The following CDH13 variants were observed in gnomAD, a reference collection of about 807,000 sequenced individuals.
CDH13 encodes cadherin 13.
CDH13 carries 24 observed loss-of-function variants against 63.8 expected under a neutral mutation model. The ratio of observed to expected loss-of-function variants is 0.38; its 90% confidence interval spans 0.27 to 0.53. The LOEUF is 0.53. Among genes scored for constraint, CDH13 ranks in the 20% least tolerant of loss-of-function variants. The pLI is 0.85. For synonymous variants in CDH13, 503 were observed against 355.3 expected (o/e 1.42, Z -4.67); for missense variants, 1,049 against 903.1 (o/e 1.16, Z -2.07).
At chr16:83,760,134 TAATC>T (rs1298433547) in intron 11 of CDH13, among the ~76,000 whole-genome samples, 2 of 152,082 alleles carry the variant, frequency 1.3e-5, no homozygotes, top group East Asian at 3.9e-4. Flanking sequence ...AAACACAAAT[TAATC>T]AAGGAAATAC....
Position 83,425,101 on chromosome 16 carries a change from A to G in CDH13, c.782-61376A>G, listed in dbSNP as rs1271197725. Among the ~76,000 whole-genome samples the G allele has an allele frequency of 2.0e-5, 3 of 152,228 alleles. No individual in the cohort carries two copies. In the East Asian group the frequency reaches 5.8e-4, roughly 29 times the overall value. On this transcript the variant is annotated intron_variant, in intron 6 of 13. Coordinates refer to ENST00000567109, the MANE Select transcript of CDH13 (RefSeq NM_001257.5). The stretch of plus-strand genomic sequence containing the variant: ...CAACCTCGGTCAAGAAAGAGCTGTG[A>G]TCCCACCGTTTGTCCATCGAGTTCT...
intron 1 of CDH13, among the ~76,000 whole-genome samples, chr16:82,714,463 C>T (rs1277667656): frequency 6.6e-6 from 1 of 151,970 alleles, no homozygotes; most frequent in Non-Finnish European, 1.5e-5. Flanking sequence ...CCTGTAATCT[C>T]AGCACTTTGA....
chr16:83,590,231 A>C (rs1233067000), intron 7 of CDH13, among the ~76,000 whole-genome samples: 2 of 152,092 alleles, frequency 1.3e-5, no homozygotes, highest in African/African-American at 4.8e-5. Flanking sequence ...AGGGGCATAG[A>C]AGAAGGCAGG....
chr16:82,637,427 C>CTTTT (rs1567577161), intron 1 of CDH13, among the ~76,000 whole-genome samples: 4 of 54,754 alleles, frequency 7.3e-5, no homozygotes, highest in Admixed American at 3.0e-4. Context: ...AGTTACTGTG[C>CTTTT]CTTTTTTTTT....
At chr16:83,347,592 A>G (rs1453279304) in intron 6 of CDH13, among the ~76,000 whole-genome samples, 2 of 152,120 alleles carry the variant, frequency 1.3e-5, no homozygotes, top group Non-Finnish European at 2.9e-5. Flanking sequence ...TTCATCCATG[A>G]TCCCACTTCC....
intron 1 of CDH13, among the ~76,000 whole-genome samples, chr16:82,806,849 A>G (rs1400027245): frequency 2.0e-5 from 3 of 152,204 alleles, no homozygotes; most frequent in Non-Finnish European, 2.9e-5. Context: ...GAAGGACAAA[A>G]CATAACTGAG....
intron 7 of CDH13, among the ~76,000 whole-genome samples, chr16:83,493,227 G>C (rs2074059429): frequency 6.6e-6 from 1 of 152,240 alleles, no homozygotes; most frequent in African/African-American, 2.4e-5. Context: ...GATTGACAAT[G>C]AGACTGAAGA....
At chr16:82,924,956 TC>T (rs2042259696) in intron 2 of CDH13, among the ~76,000 whole-genome samples, 1 of 152,218 alleles carries the variant, frequency 6.6e-6, no homozygotes, top group South Asian at 2.1e-4. Flanking sequence ...GTTTATTTTT[TC>T]CTTAAAAACT....
chr16:83,557,594 A>G (rs931517384), intron 7 of CDH13, among the ~76,000 whole-genome samples: 4 of 152,194 alleles, frequency 2.6e-5, no homozygotes, highest in Admixed American at 6.5e-5. Context: ...AAAGTCGGCC[A>G]TCAGGCACTC....
At chr16:83,456,518 G>A (rs1488601937) in intron 6 of CDH13, among the ~76,000 whole-genome samples, 1 of 152,178 alleles carries the variant, frequency 6.6e-6, no homozygotes, top group Admixed American at 6.5e-5. Context: ...TGCCCTTTGT[G>A]GGTTCAGAGG....
At chr16:83,054,948 A>G (rs756293521) in intron 3 of CDH13, among the ~76,000 whole-genome samples, 1 of 152,112 alleles carries the variant, frequency 6.6e-6, no homozygotes, top group African/African-American at 2.4e-5. Context: ...GTCATAGAGT[A>G]CATCCAAACA....
intron 8 of CDH13, among the ~76,000 whole-genome samples, chr16:83,659,772 A>G (rs1216756794): frequency 6.7e-5 from 10 of 149,176 alleles, no homozygotes. Flanking sequence ...GAGTTAGAGC[A>G]GCAGTCCACA....
At chr16:83,017,298 A>G (rs192111561) in intron 2 of CDH13, among the ~76,000 whole-genome samples, 1 of 152,314 alleles carries the variant, frequency 6.6e-6, no homozygotes, top group African/African-American at 2.4e-5. Context: ...ACTGACTTCA[A>G]GATTCTACTC....
intron 5 of CDH13, among the ~76,000 whole-genome samples, chr16:83,316,393 C>T (rs1032816193): frequency 3.9e-5 from 6 of 152,124 alleles, no homozygotes; most frequent in African/African-American, 1.2e-4. Context: ...ATATGTGTCA[C>T]GAGCCTGGAT....
intron 4 of CDH13, among the ~76,000 whole-genome samples, chr16:83,140,794 G>T (rs954097753): frequency 6.6e-6 from 1 of 152,200 alleles, no homozygotes; most frequent in Non-Finnish European, 1.5e-5. Context: ...GACATAAAAT[G>T]ACTGAAGAGC....
chr16:83,753,013 G>A (rs1047545636), intron 11 of CDH13, among the ~76,000 whole-genome samples: 2 of 152,154 alleles, frequency 1.3e-5, no homozygotes, highest in African/African-American at 4.8e-5. Flanking sequence ...TTTCCAGAGA[G>A]CTAAAATGTC....
chr16:83,750,375 C>T (rs1745152054), intron 11 of CDH13, among the ~76,000 whole-genome samples: 1 of 152,204 alleles, frequency 6.6e-6, no homozygotes, highest in African/African-American at 2.4e-5. Flanking sequence ...CTTATGACAC[C>T]TAACTGGCTT....
intron 3 of CDH13, among the ~76,000 whole-genome samples, chr16:83,052,158 A>G (rs981977563): frequency 6.6e-6 from 1 of 152,192 alleles, no homozygotes; most frequent in Non-Finnish European, 1.5e-5. Flanking sequence ...ATTTATTTTT[A>G]GAAACCTTTA....
intron 1 of CDH13, among the ~76,000 whole-genome samples, chr16:82,670,926 G>T (rs897381541): frequency 6.6e-6 from 1 of 152,126 alleles, no homozygotes; most frequent in African/African-American, 2.4e-5. Flanking sequence ...TATCACCGAG[G>T]CTTCTCTGTA....
Sources: gnomAD v4.1 joint callset for allele counts (sites outside exome capture counted in the v4.1 genomes callset) on GRCh38, gnomAD v4.1.1 for gene constraint, MANE v1.5 for transcripts, NCBI Gene and HGNC (gene_info 2026-07-23, HGNC 2026-07-21) for gene names.